The following AUTS2 variants were observed in gnomAD, a reference collection of about 807,000 sequenced individuals.
AUTS2 encodes autism susceptibility gene 2 protein.
AUTS2 carries 17 observed loss-of-function variants against 112.4 expected under a neutral mutation model. The observed-to-expected ratio is 0.15, with a 90% CI of 0.10 to 0.23. The LOEUF (loss-of-function observed/expected upper bound fraction) is 0.23, where lower values mean the gene tolerates loss of function less well. AUTS2 is among the 10% of genes least tolerant of loss of function. The pLI, the probability that AUTS2 is intolerant of heterozygous loss-of-function variation, is 1.00. For missense variants in AUTS2, 1,510 were observed against 1,701.6 expected (o/e 0.89, Z 1.98); for synonymous variants, 751 against 702.7 (o/e 1.07, Z -1.09).
intron 1 of AUTS2, among the ~76,000 whole-genome samples, chr7:69,625,797 G>T (rs1486006347): frequency 6.6e-6 from 1 of 152,138 alleles, no homozygotes; most frequent in Admixed American, 6.5e-5. Context: ...GATTGAAGCT[G>T]CAGTAAGCTG....
intron 4 of AUTS2, among the ~76,000 whole-genome samples, chr7:70,351,628 T>G (rs2129623386): frequency 6.6e-6 from 1 of 152,332 alleles, no homozygotes; most frequent in Non-Finnish European, 1.5e-5. Context: ...CAACTTACAT[T>G]CCTCCTAACA....
At chr7:70,603,671 G>A (rs1024610075) in intron 5 of AUTS2, among the ~76,000 whole-genome samples, 18 of 152,142 alleles carry the variant, frequency 1.2e-4, no homozygotes, top group African/African-American at 4.1e-4. Flanking sequence ...CCTGGCCCTC[G>A]AGGAGGAGCC....
chr7:70,558,958 C>G (rs189043537), intron 5 of AUTS2, among the ~76,000 whole-genome samples: 9 of 152,318 alleles, frequency 5.9e-5, no homozygotes, highest in African/African-American at 2.2e-4. Context: ...TGGTTTGGCT[C>G]TCACCTTGAA....
At chr7:69,843,602 A>G (rs753505721) in intron 1 of AUTS2, among the ~76,000 whole-genome samples, 87 of 152,344 alleles carry the variant, frequency 5.7e-4, no homozygotes, top group Non-Finnish European at 1.1e-3. Flanking sequence ...GATGATACAG[A>G]CAAAGCAGTA....
rs188514819 is a variant in AUTS2 at position 69,935,120 on chromosome 7, A to G, written c.522+35622A>G. ...TCACTTTCTCTGTAGGTAGAAAGAA[A>G]TGCAAACAGTCACATAATCACAACC... On this transcript the variant is annotated intron_variant, in intron 2 of 18. Coordinates refer to ENST00000342771, the MANE Select transcript of AUTS2 (RefSeq NM_015570.4). Among the ~76,000 whole-genome samples the G allele has an allele frequency of 4.6e-5, 7 of 152,328 alleles. No homozygotes were observed. In the East Asian group the frequency reaches 9.7e-4, roughly 21 times the overall value.
chr7:69,770,240 A>G (rs972218772), intron 1 of AUTS2, among the ~76,000 whole-genome samples: 1 of 152,254 alleles, frequency 6.6e-6, no homozygotes, highest in African/African-American at 2.4e-5. Context: ...TTGTTAATCT[A>G]GCAAAACATC....
chr7:70,118,577 G>C (rs990084380), intron 3 of AUTS2: 1 of 166,962 alleles, frequency 6.0e-6, no homozygotes, highest in African/African-American at 2.4e-5. Context: ...TTGGAAGTTT[G>C]AGACCAGCCT....
chr7:70,110,353 T>G (rs776374756), intron 2 of AUTS2, among the ~76,000 whole-genome samples: 67 of 152,216 alleles, frequency 4.4e-4, no homozygotes, highest in Admixed American at 7.9e-4. Context: ...CTGTCTTTAC[T>G]AAAAATACAG....
chr7:70,306,686 A>T (rs1035971430), intron 4 of AUTS2, among the ~76,000 whole-genome samples: 3 of 152,224 alleles, frequency 2.0e-5, no homozygotes, highest in Non-Finnish European at 2.9e-5. Context: ...TTTACAAGAA[A>T]AAGAAAAGAA....
chr7:69,739,548 G>T (rs1172850860), intron 1 of AUTS2, among the ~76,000 whole-genome samples: 1 of 152,138 alleles, frequency 6.6e-6, no homozygotes, highest in Non-Finnish European at 1.5e-5. Context: ...GAGCTTGCAA[G>T]CTCAAAAGAA....
At position 70,357,421 on chromosome 7, in the gene AUTS2, C is replaced by T. The variant is rs80261561; in HGVS notation, c.661-78331C>T. 4.1e-3 allele frequency among the ~76,000 whole-genome samples: 621 copies of T among 152,252 alleles called. 9 individuals are homozygous for T. The highest frequency in any genetic ancestry group is 0.014 in the African/African-American group (589 of 41,556). ...ACCTATAATGATGTCCATCTTTGTA[C>T]GTTTTCTGGGTCCCATCTTCCCATC... On this transcript the variant is annotated intron_variant, in intron 4 of 18. Transcript: ENST00000342771.
intron 2 of AUTS2, among the ~76,000 whole-genome samples, chr7:69,939,699 G>A (rs1005364069): frequency 3.3e-5 from 5 of 152,112 alleles, no homozygotes; most frequent in African/African-American, 4.8e-5. Context: ...TTGTATAATC[G>A]TGGTTCCTAC....
chr7:70,166,107 T>C (rs2129578083), intron 4 of AUTS2, among the ~76,000 whole-genome samples: 1 of 152,328 alleles, frequency 6.6e-6, no homozygotes, highest in Middle Eastern at 3.4e-3. Context: ...CTCTCAGTCA[T>C]AATTTCTGTT....
intron 5 of AUTS2, among the ~76,000 whole-genome samples, chr7:70,680,721 C>T (rs1005112715): frequency 6.6e-6 from 1 of 152,048 alleles, no homozygotes; most frequent in Admixed American, 6.6e-5. Flanking sequence ...GTTTGTGGCC[C>T]GATCTTTGTA....
chr7:70,447,844 G>A (rs973487450), intron 5 of AUTS2, among the ~76,000 whole-genome samples: 11 of 152,204 alleles, frequency 7.2e-5, no homozygotes, highest in African/African-American at 2.7e-4. Context: ...TTTGCAGTTA[G>A]CACATTACTT....
chr7:70,131,416 G>T (rs1806264670), intron 3 of AUTS2, among the ~76,000 whole-genome samples: 1 of 152,160 alleles, frequency 6.6e-6, no homozygotes, highest in Admixed American at 6.5e-5. Flanking sequence ...CATTAAGGAA[G>T]AGTCTTGTGA....
chr7:69,784,738 T>A (rs1789289928), intron 1 of AUTS2, among the ~76,000 whole-genome samples: 1 of 152,220 alleles, frequency 6.6e-6, no homozygotes, highest in Admixed American at 6.5e-5. Flanking sequence ...TTTCTTTCTG[T>A]GCTTTTTCTC....
chr7:69,829,804 C>T lies in AUTS2; in HGVS notation c.310-69482C>T, dbSNP rs189330748. 2.9e-3 allele frequency among the ~76,000 whole-genome samples: 441 copies of T among 152,254 alleles called. 4 individuals are homozygous for T. The highest frequency in any genetic ancestry group is 0.01 in the African/African-American group (427 of 41,530). On this transcript the variant is annotated intron_variant, in intron 1 of 18. Transcript: ENST00000342771. ...CTGTTGGTGGGAATGTAAATTAGTT[C>T]AACCATTGTGGAAGACAGTGTGGCG... is the stretch of plus-strand genomic sequence containing the variant.
intron 5 of AUTS2, among the ~76,000 whole-genome samples, chr7:70,670,736 G>T (rs1000665142): frequency 3.3e-5 from 5 of 152,124 alleles, no homozygotes; most frequent in African/African-American, 1.2e-4. Flanking sequence ...TAGGATAAAA[G>T]AATAAACAAC....
Sources: gnomAD v4.1 joint callset for allele counts (sites outside exome capture counted in the v4.1 genomes callset) on GRCh38, gnomAD v4.1.1 for gene constraint, MANE v1.5 for transcripts, NCBI Gene and HGNC (gene_info 2026-07-23, HGNC 2026-07-21) for gene names.